Variants in UBE2E2 observed in about 807,000 individuals in gnomAD.
UBE2E2 encodes ubiquitin-conjugating enzyme E2 E2.
UBE2E2 carries 6 observed loss-of-function variants against 24.7 expected under a neutral mutation model. That is an observed-to-expected ratio of 0.24 (90% CI 0.13 to 0.48). UBE2E2 has a LOEUF of 0.48. UBE2E2 is among the 20% of genes least tolerant of loss of function. UBE2E2 has a pLI of 0.99. For synonymous variants in UBE2E2, 104 were observed against 83.6 expected (o/e 1.24, Z -1.33); for missense variants, 169 against 245.0 (o/e 0.69, Z 2.07).
chr3:23,369,978 A>G (rs998204722), intron 3 of UBE2E2, among the ~76,000 whole-genome samples: 1 of 152,150 alleles, frequency 6.6e-6, no homozygotes, highest in African/African-American at 2.4e-5. Flanking sequence ...CCCCCTTTAG[A>G]TACTAATATC....
intron 3 of UBE2E2, among the ~76,000 whole-genome samples, chr3:23,472,535 A>G (rs746237443): frequency 1.3e-5 from 2 of 152,196 alleles, no homozygotes; most frequent in Non-Finnish European, 2.9e-5. Context: ...TTTGTCACCA[A>G]TAGAAATAAC....
intron 3 of UBE2E2, among the ~76,000 whole-genome samples, chr3:23,499,375 G>A (rs897313778): frequency 6.6e-5 from 10 of 152,210 alleles, no homozygotes; most frequent in African/African-American, 1.9e-4. Flanking sequence ...TTCCATAGGC[G>A]TAGGGTTGTG....
At chr3:23,537,341 A>T (rs967260596) in intron 5 of UBE2E2, among the ~76,000 whole-genome samples, 7 of 152,236 alleles carry the variant, frequency 4.6e-5, no homozygotes, top group Non-Finnish European at 8.8e-5. Context: ...ACCCACAAAC[A>T]TCAACACTCA....
At chr3:23,579,859 A>G (rs917622155) in intron 5 of UBE2E2, among the ~76,000 whole-genome samples, 1 of 152,230 alleles carries the variant, frequency 6.6e-6, no homozygotes, top group Admixed American at 6.5e-5. Flanking sequence ...GAGGAGGTCA[A>G]AATATCCACA....
intron 3 of UBE2E2, among the ~76,000 whole-genome samples, chr3:23,334,605 A>G (rs2125304405): frequency 6.6e-6 from 1 of 152,354 alleles, no homozygotes; most frequent in South Asian, 2.1e-4. Flanking sequence ...TGACTTTTGG[A>G]TAAAAAGGTA....
chr3:23,489,931 A>G (rs1459857131), intron 3 of UBE2E2, among the ~76,000 whole-genome samples: 2 of 152,106 alleles, frequency 1.3e-5, no homozygotes, highest in Non-Finnish European at 2.9e-5. Context: ...CCTTCCCCCC[A>G]TATGCATGCT....
At chr3:23,415,465 A>G (rs1402039859) in intron 3 of UBE2E2, among the ~76,000 whole-genome samples, 2 of 152,350 alleles carry the variant, frequency 1.3e-5, no homozygotes, top group Non-Finnish European at 2.9e-5. Flanking sequence ...AGGGTATGGA[A>G]TGAGGCTGGA....
rs377686449 is a variant in UBE2E2, at chr3:23,400,144, G to T, written c.228-99464G>T. Among the ~76,000 whole-genome samples the T allele has an allele frequency of 2.6e-5, 4 of 152,228 alleles. No individual in the cohort carries two copies. In the East Asian group the frequency reaches 5.8e-4, roughly 22 times the overall value. On this transcript the variant is annotated intron_variant, in intron 3 of 5. Coordinates refer to ENST00000396703, the MANE Select transcript of UBE2E2 (RefSeq NM_152653.4). ...AGTCTTATGAAACTCCATTAATGTAGTTTCACAGGGATTCTTAGCTTATAG... is the reference window on the plus strand; with the variant it reads ...AGTCTTATGAAACTCCATTAATGTATTTTCACAGGGATTCTTAGCTTATAG...
chr3:23,530,774 A>C (rs1183122176), intron 4 of UBE2E2, among the ~76,000 whole-genome samples: 1 of 152,150 alleles, frequency 6.6e-6, no homozygotes, highest in Admixed American at 6.5e-5. Context: ...TGCAACATAC[A>C]GGCCTAAGAT....
At chr3:23,375,942 C>A (rs1696511035) in intron 3 of UBE2E2, among the ~76,000 whole-genome samples, 1 of 152,056 alleles carries the variant, frequency 6.6e-6, no homozygotes, top group Non-Finnish European at 1.5e-5. Context: ...TCATAAATGG[C>A]TTATAGAATA....
At chr3:23,531,875 A>C (rs370047107) in intron 4 of UBE2E2, among the ~76,000 whole-genome samples, 2 of 152,104 alleles carry the variant, frequency 1.3e-5, no homozygotes, top group East Asian at 3.8e-4. Context: ...CAGCCTGGCC[A>C]ACATGGCAAA....
chr3:23,288,188 G>A (rs1285181919), intron 3 of UBE2E2, among the ~76,000 whole-genome samples: 1 of 152,002 alleles, frequency 6.6e-6, no homozygotes, highest in African/African-American at 2.4e-5. Flanking sequence ...GACCCACTGA[G>A]CATATGGTTT....
intron 3 of UBE2E2, among the ~76,000 whole-genome samples, chr3:23,297,115 A>C (rs1438239515): frequency 1.3e-5 from 2 of 152,118 alleles, no homozygotes; most frequent in African/African-American, 4.8e-5. Context: ...TTCTTTTGAG[A>C]GGTGTCTGTT....
chr3:23,349,920 C>T (rs12488422), intron 3 of UBE2E2, among the ~76,000 whole-genome samples: 115 of 152,358 alleles, frequency 7.5e-4, no homozygotes, highest in Middle Eastern at 6.8e-3. Flanking sequence ...TGAGAACGGG[C>T]AGACTGCCTC....
chr3:23,420,744 G>T (rs1410704322), intron 3 of UBE2E2, among the ~76,000 whole-genome samples: 1 of 152,094 alleles, frequency 6.6e-6, no homozygotes, highest in Admixed American at 6.5e-5. Flanking sequence ...TATTGTTTAA[G>T]GTTTCTTTTA....
chr3:23,441,990 T>C (rs1346657080), intron 3 of UBE2E2, among the ~76,000 whole-genome samples: 1 of 152,222 alleles, frequency 6.6e-6, no homozygotes, highest in Non-Finnish European at 1.5e-5. Context: ...AGTTCCCTAG[T>C]GTTCATATTG....
chr3:23,224,224 T>C lies in UBE2E2; in HGVS notation c.227+6912T>C, dbSNP rs978290103. 2.7e-5 allele frequency among the ~76,000 whole-genome samples: 4 copies of C among 150,646 alleles called. No individual in the cohort carries two copies. In the South Asian group the frequency reaches 6.3e-4, roughly 24 times the overall value. On this transcript the variant is annotated intron_variant, in intron 3 of 5. Coordinates refer to ENST00000396703, the MANE Select transcript of UBE2E2 (RefSeq NM_152653.4). ...GTTATTGGTATTTTGATAAGGATTG[T>C]ATTGAATCTGTAAATTGCTTTGGGT...
At chr3:23,549,338 T>A (rs1695590917) in intron 5 of UBE2E2, among the ~76,000 whole-genome samples, 1 of 152,256 alleles carries the variant, frequency 6.6e-6, no homozygotes, top group Admixed American at 6.5e-5. Flanking sequence ...CATAGTGACA[T>A]GCCCTTGCAT....
chr3:23,434,368 G>C (rs1479588549), intron 3 of UBE2E2, among the ~76,000 whole-genome samples: 4 of 152,064 alleles, frequency 2.6e-5, no homozygotes, highest in African/African-American at 4.8e-5. Context: ...TATCAAACTA[G>C]AATTCTGAAG....
Sources: allele counts gnomAD v4.1 joint callset (sites outside exome capture counted in the v4.1 genomes callset), GRCh38; gene constraint gnomAD v4.1.1; transcripts MANE v1.5; gene names NCBI Gene and HGNC (gene_info 2026-07-23, HGNC 2026-07-21).